The following SLMAP variants were observed in gnomAD, a reference collection of about 807,000 sequenced individuals.
The protein encoded by SLMAP is sarcolemma associated protein.
SLMAP carries 44 observed loss-of-function variants against 128.8 expected under a neutral mutation model. The observed-to-expected ratio is 0.34, with a 90% confidence interval of 0.27 to 0.44. The LOEUF (loss-of-function observed/expected upper bound fraction) is 0.44. Among genes scored for constraint, SLMAP ranks in the 20% least tolerant of loss-of-function variants. The probability of loss-of-function intolerance (pLI) is 1.00; values close to 1 mark genes in which losing one functional copy is unlikely to be tolerated. For synonymous variants in SLMAP, 327 were observed against 348.8 expected, an observed-to-expected ratio of 0.94 and a Z score of 0.70; for missense variants, 787 against 985.3, an observed-to-expected ratio of 0.80 and a Z score of 2.69.
Position 57,789,175 on chromosome 3 carries a change from G to A in SLMAP, c.198+31326G>A, listed in dbSNP as rs2084901672. ...TTTGTGCAAATGGGATGTTGGTAAG[G>A]AAAAAATTATTCAATGACACTTGTT... On this transcript the variant is annotated intron_variant, in intron 2 of 24. Transcript: ENST00000671191. 2.0e-5 allele frequency among the ~76,000 whole-genome samples: 3 copies of A among 152,142 alleles called. No homozygotes were observed. The South Asian group carries it at 6.2e-4, about 31-fold the overall frequency.
At position 57,849,595 on chromosome 3, in the gene SLMAP, A is replaced by G. The variant is rs574977283; in HGVS notation, c.457-159A>G. Among the ~76,000 whole-genome samples the G allele has an allele frequency of 5.3e-5, 8 of 152,228 alleles. No homozygotes were observed. The South Asian group carries it at 1.7e-3, about 32-fold the overall frequency. On this transcript the variant is annotated intron_variant, in intron 5 of 24. Transcript: ENST00000671191. ...AACGGCTATATTTCCGTCAGAAAAG[A>G]AAAAAATTTAAAAGGCTATATTGCC...
At chr3:57,908,146 C>T in intron 18 of SLMAP, 140 bp downstream of exon 18, 1 of 722,806 alleles carries the variant, frequency 1.4e-6, no homozygotes, top group Non-Finnish European at 2.2e-6. Context: ...ATTTACTTGA[C>T]CTCTCTAAAC....
chr3:57,814,347 C>A (rs966964987), intron 2 of SLMAP, among the ~76,000 whole-genome samples: 3 of 151,786 alleles, frequency 2.0e-5, no homozygotes, highest in South Asian at 2.1e-4. Context: ...CACTTTGTTG[C>A]CCAGGCTGGT....
intron 2 of SLMAP, among the ~76,000 whole-genome samples, chr3:57,784,432 T>C (rs1160845310): frequency 1.3e-5 from 2 of 152,188 alleles, no homozygotes; most frequent in Admixed American, 1.3e-4. Flanking sequence ...GTTGTTTTTC[T>C]TGGGACCACC....
intron 14 of SLMAP, among the ~76,000 whole-genome samples, chr3:57,872,184 C>T (rs983917357): frequency 3.9e-5 from 6 of 152,164 alleles, no homozygotes; most frequent in Non-Finnish European, 8.8e-5. Context: ...CGCCTATAAT[C>T]GCAGCTACGT....
At chr3:57,862,638 C>CAA (rs752561093) in intron 10 of SLMAP, among the ~76,000 whole-genome samples, 11,781 of 96,136 alleles carry the variant, frequency 0.12, 751 homozygotes, top group South Asian at 0.16. Context: ...CTTCGTCTCA[C>CAA]AAAAAAAAAA....
chr3:57,771,930 T>G (rs917559515), intron 2 of SLMAP, among the ~76,000 whole-genome samples: 14 of 152,200 alleles, frequency 9.2e-5, no homozygotes, highest in Admixed American at 3.3e-4. Context: ...GATTTGAAAT[T>G]AAAGAAGTTG....
intron 3 of SLMAP, among the ~76,000 whole-genome samples, chr3:57,839,579 T>C (rs1214149902): frequency 6.6e-6 from 1 of 151,672 alleles, no homozygotes; most frequent in Non-Finnish European, 1.5e-5. Flanking sequence ...GTAGCTGGGA[T>C]TGCAGGCACC....
chr3:57,896,606 A>G lies in SLMAP; in HGVS notation c.1441+15A>G, dbSNP rs765448250. On this transcript the variant is annotated intron_variant, in intron 16 of 24. Coordinates refer to ENST00000671191, the MANE Select transcript of SLMAP (RefSeq NM_001377540.1). ...CGACACTACAGGTGAGTTTTAACCT[A>G]ATGTTTACAGACCTGCAGCTGTTAA... 4 of 1,585,152 alleles carry G rather than the reference A, an allele frequency of 2.5e-6. No individual in the cohort carries two copies.
chr3:57,794,081 A>C (rs1453194639), intron 2 of SLMAP, among the ~76,000 whole-genome samples: 1 of 152,080 alleles, frequency 6.6e-6, no homozygotes, highest in African/African-American at 2.4e-5. Flanking sequence ...AAAAACAAAA[A>C]AACAGTTTTC....
chr3:57,923,074 T>C, intron 23 of SLMAP, 51 bp downstream of exon 23: 1 of 1,558,338 alleles, frequency 6.4e-7, no homozygotes, highest in South Asian at 1.1e-5. Context: ...ACATGAGAGA[T>C]TGAAATTGAT....
chr3:57,901,088 C>T (rs2096368987), intron 17 of SLMAP: 1 of 152,192 alleles, frequency 6.6e-6, no homozygotes, highest in African/African-American at 2.4e-5. Context: ...CATTTGCCTA[C>T]AGGTCCTCAC....
chr3:57,769,525 A>C (rs149783513), intron 2 of SLMAP, among the ~76,000 whole-genome samples: 9 of 151,642 alleles, frequency 5.9e-5, no homozygotes, highest in African/African-American at 1.5e-4. Context: ...AGGTCTCACT[A>C]TGTTGCCCGG....
intron 4 of SLMAP, 86 bp downstream of exon 4, chr3:57,841,457 G>A (rs2093931830): frequency 4.6e-6 from 3 of 645,598 alleles, no homozygotes; most frequent in Non-Finnish European, 8.0e-6. Context: ...ATGGTGTACT[G>A]CTAATACCTG....
intron 21 of SLMAP, among the ~76,000 whole-genome samples, chr3:57,915,717 T>C (rs1053455964): frequency 1.3e-5 from 2 of 152,234 alleles, no homozygotes; most frequent in Admixed American, 6.5e-5. Context: ...GGGAGCCAAA[T>C]TCCCTAACAC....
chr3:57,798,887 ATGT>A (rs139617343), intron 2 of SLMAP, among the ~76,000 whole-genome samples: 194 of 152,314 alleles, frequency 1.3e-3, no homozygotes, highest in African/African-American at 3.8e-3. Context: ...TGCTTTGGAA[ATGT>A]TGTCGGTGAG....
chr3:57,779,508 CAAA>C (rs75146875), intron 2 of SLMAP, among the ~76,000 whole-genome samples: 5 of 79,788 alleles, frequency 6.3e-5, no homozygotes, highest in Middle Eastern at 6.8e-3. Context: ...GACCCTGTTT[CAAA>C]AAAAAAAAAA....
intron 2 of SLMAP, among the ~76,000 whole-genome samples, chr3:57,830,617 T>C (rs1024138129): frequency 6.6e-6 from 1 of 152,188 alleles, no homozygotes; most frequent in Non-Finnish European, 1.5e-5. Context: ...ATCCTTTCTG[T>C]TTTTAAAGAG....
chr3:57,838,164 A>T (rs1203830130), intron 3 of SLMAP, among the ~76,000 whole-genome samples: 7 of 151,868 alleles, frequency 4.6e-5, no homozygotes, highest in East Asian at 3.9e-4. Flanking sequence ...TTTCTTTTTT[A>T]AAAAAACAAC....
Sources: allele counts gnomAD v4.1 joint callset (sites outside exome capture counted in the v4.1 genomes callset), GRCh38; gene constraint gnomAD v4.1.1; transcripts MANE v1.5; gene names NCBI Gene and HGNC (gene_info 2026-07-23, HGNC 2026-07-21).